CADM2: variants seen among roughly 807,000 people sequenced by gnomAD.
CADM2 encodes immunoglobulin superfamily member 4D.
Under a neutral mutation model 49.8 loss-of-function variants are expected in CADM2, and 12 were observed. The observed-to-expected ratio is 0.24, with a 90% confidence interval of 0.15 to 0.39. CADM2 has a LOEUF of 0.39. Ranked by LOEUF, CADM2 falls within the 10% of genes least tolerant of loss-of-function variation. CADM2 has a pLI of 1.00. For synonymous variants in CADM2, 214 were observed against 175.4 expected (o/e 1.22, Z -1.74); for missense variants, 378 against 492.3 (o/e 0.77, Z 2.20).
intron 1 of CADM2, among the ~76,000 whole-genome samples, chr3:85,611,661 C>A (rs929348539): frequency 6.6e-6 from 1 of 151,398 alleles, no homozygotes; most frequent in Non-Finnish European, 1.5e-5. Context: ...GACCCACTGT[C>A]CCTGAACTAT....
intron 1 of CADM2, among the ~76,000 whole-genome samples, chr3:85,077,423 C>A (rs962935392): frequency 2.6e-5 from 4 of 151,848 alleles, no homozygotes; most frequent in South Asian, 4.2e-4. Context: ...TTTAATATAG[C>A]CCTACCATAA....
intron 1 of CADM2, among the ~76,000 whole-genome samples, chr3:85,055,000 A>G (rs996371960): frequency 6.6e-6 from 1 of 152,044 alleles, no homozygotes; most frequent in Non-Finnish European, 1.5e-5. Context: ...AATATACTTA[A>G]TATCCAGTGC....
intron 1 of CADM2, among the ~76,000 whole-genome samples, chr3:85,414,655 A>G (rs1005710052): frequency 3.3e-5 from 5 of 152,086 alleles, no homozygotes; most frequent in African/African-American, 1.2e-4. Flanking sequence ...TTCAATTTAA[A>G]TTCTTATCAA....
At chr3:85,624,437 A>G (rs1318429390) in intron 1 of CADM2, among the ~76,000 whole-genome samples, 1 of 152,004 alleles carries the variant, frequency 6.6e-6, no homozygotes, top group Non-Finnish European at 1.5e-5. Context: ...GGTTCAAGCA[A>G]TTATCCTGCC....
intron 3 of CADM2, among the ~76,000 whole-genome samples, chr3:85,866,816 T>G (rs559998498): frequency 1.7e-4 from 26 of 152,218 alleles, no homozygotes; most frequent in Admixed American, 3.3e-4. Context: ...ACATAAATAT[T>G]TATTGTACAT....
At chr3:85,151,215 C>T (rs902796466) in intron 1 of CADM2, among the ~76,000 whole-genome samples, 2 of 152,068 alleles carry the variant, frequency 1.3e-5, no homozygotes, top group Admixed American at 1.3e-4. Context: ...TATACAAATT[C>T]TCCTCATAAC....
chr3:86,029,507 G>A (rs1734304164), intron 8 of CADM2, among the ~76,000 whole-genome samples: 1 of 151,988 alleles, frequency 6.6e-6, no homozygotes, highest in Non-Finnish European at 1.5e-5. Context: ...GAAAATAACA[G>A]GATTTGGGAC....
At chr3:86,031,436 C>A (rs998231264) in intron 8 of CADM2, among the ~76,000 whole-genome samples, 1 of 151,776 alleles carries the variant, frequency 6.6e-6, no homozygotes. Context: ...AGATTTTGTG[C>A]TTGTTTTCAT....
chr3:85,637,596 G>A (rs1228195892), intron 1 of CADM2, among the ~76,000 whole-genome samples: 4 of 32,244 alleles, frequency 1.2e-4, no homozygotes, highest in Admixed American at 1.2e-3. Context: ...GCGACAGAGC[G>A]AGACTCCGTC....
rs557060191 is a variant in CADM2, at chr3:85,686,692, A to G, written c.62-39830A>G. On this transcript the variant is annotated intron_variant, in intron 1 of 9. Transcript: ENST00000383699. ...CTAAAATCACTAAGCTAAAGAGAAG[A>G]GTCAACCTGGGAACTACTTAGGGCA... Among the ~76,000 whole-genome samples, 31 of 152,304 alleles carry G rather than the reference A, an allele frequency of 2.0e-4. No individual in the cohort carries two copies. The South Asian group carries it at 2.1e-3, about 10-fold the overall frequency.
In CADM2 at chr3:85,295,922, T is replaced by C. The variant is rs188536784; in HGVS notation, c.61+336254T>C. 3.3e-5 allele frequency among the ~76,000 whole-genome samples: 5 copies of C among 149,508 alleles called. No individual in the cohort carries two copies. The East Asian group carries it at 9.8e-4, about 29-fold the overall frequency. ...TGCACAAGTACCCTAAAACTTAAAG[T>C]ATAATAAAAAAAAGAAAAAAAGAAG... On this transcript the variant is annotated intron_variant, in intron 1 of 9. Coordinates refer to ENST00000383699, the MANE Select transcript of CADM2 (RefSeq NM_001167675.2).
intron 6 of CADM2, among the ~76,000 whole-genome samples, chr3:85,918,473 T>G (rs746532164): frequency 6.6e-6 from 1 of 152,238 alleles, no homozygotes; most frequent in African/African-American, 2.4e-5. Context: ...TTTTCGTATG[T>G]TGGACCAGCC....
chr3:85,776,268 C>T (rs2070356112), intron 2 of CADM2, among the ~76,000 whole-genome samples: 1 of 149,186 alleles, frequency 6.7e-6, no homozygotes, highest in South Asian at 2.1e-4. Context: ...ACTTAGTAGC[C>T]AAATAGTTTA....
chr3:85,438,561 G>A (rs1467518216), intron 1 of CADM2, among the ~76,000 whole-genome samples: 2 of 152,084 alleles, frequency 1.3e-5, no homozygotes, highest in Non-Finnish European at 2.9e-5. Context: ...GTGAAATAAA[G>A]TATTTAAACA....
At chr3:85,980,299 G>T (rs1408170635) in intron 8 of CADM2, among the ~76,000 whole-genome samples, 1 of 151,288 alleles carries the variant, frequency 6.6e-6, no homozygotes, top group Non-Finnish European at 1.5e-5. Context: ...ATTATTAAAG[G>T]TTGTTCAGTT....
intron 5 of CADM2, among the ~76,000 whole-genome samples, chr3:85,896,675 C>T (rs540993519): frequency 2.0e-5 from 3 of 152,226 alleles, no homozygotes; most frequent in African/African-American, 7.2e-5. Context: ...CCATTAAGCT[C>T]GAATTGACAT....
At chr3:85,264,935 A>G (rs1365976631) in intron 1 of CADM2, among the ~76,000 whole-genome samples, 1 of 152,010 alleles carries the variant, frequency 6.6e-6, no homozygotes, top group African/African-American at 2.4e-5. Flanking sequence ...TTACTAGAAT[A>G]TAATAAATCC....
At chr3:85,942,340 G>GT (rs1722031030) in intron 7 of CADM2, among the ~76,000 whole-genome samples, 2 of 151,556 alleles carry the variant, frequency 1.3e-5, no homozygotes, top group African/African-American at 2.4e-5. Flanking sequence ...TTGTTTGTTT[G>GT]TTTTTTATTA....
At chr3:85,216,555 T>C (rs1645369219) in intron 1 of CADM2, among the ~76,000 whole-genome samples, 1 of 151,926 alleles carries the variant, frequency 6.6e-6, no homozygotes, top group South Asian at 2.1e-4. Flanking sequence ...CATCTTTTGA[T>C]ACAATAAAGC....
Sources: gnomAD v4.1 joint callset for allele counts (sites outside exome capture counted in the v4.1 genomes callset) on GRCh38, gnomAD v4.1.1 for gene constraint, MANE v1.5 for transcripts, NCBI Gene and HGNC (gene_info 2026-07-23, HGNC 2026-07-21) for gene names.